The following VIM variants were observed in gnomAD, a reference collection of about 807,000 sequenced individuals.
VIM encodes the protein vimentin.
A neutral mutation model predicts 50.3 loss-of-function variants in VIM; 18 were observed. The ratio of observed to expected loss-of-function variants is 0.36; its 90% CI spans 0.25 to 0.53. The LOEUF (loss-of-function observed/expected upper bound fraction) is 0.53, where lower values mean the gene tolerates loss of function less well. Ranked by LOEUF, VIM falls within the 20% of genes least tolerant of loss-of-function variation. VIM has a pLI of 0.91. For synonymous variants in VIM, 245 were observed against 248.5 expected, an observed-to-expected ratio of 0.99 and a Z score of 0.13; for missense variants, 551 against 614.7, an observed-to-expected ratio of 0.90 and a Z score of 1.10.
intron 8 of VIM, 94 bp downstream of exon 8, chr10:17,235,983 A>G (rs907479953): frequency 3.7e-6 from 5 of 1,341,398 alleles, no homozygotes; most frequent in Non-Finnish European, 3.2e-6. Context: ...TATCTGAAAA[A>G]ATGCCATATA....
Position 17,235,306 on chromosome 10 carries a change from A to G in VIM, c.1146A>G (p.Glu382=), listed in dbSNP as rs1482400000. ...MKEEMARHLR[E]YQDLLNVKMA... is the part of the protein sequence containing the mutation. ...AGGAAATGGCTCGTCACCTTCGTGA[A>G]TACCAAGACCTGCTCAATGTTAAGA... is the stretch of plus-strand genomic sequence containing the variant. Residue 382 remains glutamate, a synonymous_variant, in exon 7 of 10, where the codon GAA becomes GAG. Transcript: ENST00000544301. 1 of 1,614,234 alleles carries G rather than the reference A, an allele frequency of 6.2e-7. No homozygotes were observed. The highest frequency in any genetic ancestry group is 8.5e-7 in the Non-Finnish European group (1 of 1,180,030).
At chr10:17,232,687 A>G (rs59600692) in intron 3 of VIM, among the ~76,000 whole-genome samples, 460 of 152,356 alleles carry the variant, frequency 3.0e-3, no homozygotes, top group African/African-American at 0.01. Flanking sequence ...GGGTTATTGA[A>G]TATAAATCTA....
chr10:17,234,495 C>T (rs1230321471), intron 5 of VIM, among the ~76,000 whole-genome samples, 198 bp from the exon 6 acceptor site: 1 of 152,188 alleles, frequency 6.6e-6, no homozygotes, highest in Non-Finnish European at 1.5e-5. Flanking sequence ...CCTTTGACCT[C>T]CACTGTGTTG....
intron 2 of VIM, 146 bp downstream of exon 2, chr10:17,230,131 T>C: frequency 9.3e-7 from 1 of 1,075,546 alleles, no homozygotes; most frequent in Non-Finnish European, 1.3e-6. Flanking sequence ...AGAGCGGGGC[T>C]GTGGCTGTGG....
At chr10:17,233,731 C>T (rs766865785) in intron 4 of VIM, 39 bp from the exon 5 acceptor site, 28 of 1,614,054 alleles carry the variant, frequency 1.7e-5, no homozygotes, top group African/African-American at 2.7e-5. Flanking sequence ...GCAGCCCCCA[C>T]GGTTGGCAGA....
rs1846769366 is a variant in VIM at position 17,230,520 on chromosome 10, G to A, written c.564-130G>A. On this transcript the variant is annotated intron_variant, in intron 2 of 9. Transcript: ENST00000544301. ...GCCGAGGGCAGCAGGTCTGAAAGCT[G>A]CAGGCGCTAGTTGCGCGGAGGTGGC... is the stretch of plus-strand genomic sequence containing the variant. 3.8e-6 allele frequency: 4 copies of A among 1,047,230 alleles called. No individual in the cohort carries two copies. In the Admixed American group the frequency reaches 5.1e-5, roughly 13 times the overall value. 64.9% of individuals were successfully genotyped at this position (1,047,230 alleles called of 1,614,324 possible).
chr10:17,229,534 T>C lies in VIM; in HGVS notation c.112T>C (p.Tyr38His). ...CTACGTGACTACGTCCACCCGCACCTACAGCCTGGGCAGCGCGCTGCGCCC... is the reference window on the plus strand; with the variant it reads ...CTACGTGACTACGTCCACCCGCACCCACAGCCTGGGCAGCGCGCTGCGCCC... ...RSYVTTSTRT[Y>H]SLGSALRPST... The change falls in exon 2 of 10, where the codon TAC becomes CAC. Residue 38 changes from tyrosine (Y) to histidine (H), a missense_variant. Tyr to His is a moderately conservative substitution (Grantham distance 83). Coordinates refer to ENST00000544301, the MANE Select transcript of VIM (RefSeq NM_003380.5). The C allele has an allele frequency of 6.2e-7, 1 of 1,608,344 alleles. No individual in the cohort carries two copies. Among genetic ancestry groups the C allele is most frequent in the East Asian group, 2.2e-5 (1 of 44,710 alleles).
In VIM at chr10:17,237,440, T is replaced by C. The variant is rs1021308922; in HGVS notation, c.*169T>C. 10 of 641,534 alleles carry C rather than the reference T, an allele frequency of 1.6e-5. No individual in the cohort carries two copies. Among genetic ancestry groups the C allele is most frequent in the Middle Eastern group, 4.2e-4 (1 of 2,364 alleles). The allele number at this position is 641,534 out of a possible 1,614,324, so 39.7% of individuals were successfully genotyped here. The stretch of plus-strand genomic sequence containing the variant: ...TAACAACCGACACTCCTACAAGATT[T>C]AGAAAAAAGTTTACAACATAATCTA... On this transcript the variant is annotated 3_prime_UTR_variant, in exon 10 of 10. Coordinates refer to ENST00000544301, the MANE Select transcript of VIM (RefSeq NM_003380.5).
chr10:17,233,485 A>T, intron 3 of VIM, 102 bp from the exon 4 acceptor site: 1 of 1,163,014 alleles, frequency 8.6e-7, no homozygotes, highest in Non-Finnish European at 1.3e-6. Flanking sequence ...GCTTTTCTAT[A>T]GTAAGGAGAC....
rs555098108 is a variant in VIM, at chr10:17,237,410, G to A, written c.*139G>A. ...AGATTTGGAATAGGAATAAGCTCTA[G>A]TTCTTAACAACCGACACTCCTACAA... On this transcript the variant is annotated 3_prime_UTR_variant, in exon 10 of 10. Coordinates refer to ENST00000544301, the MANE Select transcript of VIM (RefSeq NM_003380.5). The A allele has an allele frequency of 1.3e-6, 1 of 786,562 alleles. No individual in the cohort carries two copies. The highest frequency in any genetic ancestry group is 2.1e-6 in the Non-Finnish European group (1 of 482,922). 48.7% of individuals were successfully genotyped at this position (786,562 alleles called of 1,614,324 possible).
rs1846903506 is a variant in VIM at position 17,237,101 on chromosome 10, C to A, written c.1360-129C>A. On this transcript the variant is annotated intron_variant, in intron 9 of 9. Coordinates refer to ENST00000544301, the MANE Select transcript of VIM (RefSeq NM_003380.5). Reference sequence around the variant, plus strand: ...CTTCTAGTTTTCACTCATGCAGAAGCAACATAACCTTCTGATTTGCACAAT... The same window carrying A: ...CTTCTAGTTTTCACTCATGCAGAAGAAACATAACCTTCTGATTTGCACAAT... 3 of 856,964 alleles carry A rather than the reference C, an allele frequency of 3.5e-6. 1 individual carries two copies. The highest frequency in any genetic ancestry group is 5.6e-6 in the Non-Finnish European group (3 of 535,190). 53.1% of individuals were successfully genotyped at this position (856,964 alleles called of 1,614,324 possible).
intron 7 of VIM, 190 bp from the exon 8 acceptor site, chr10:17,235,656 G>A: frequency 1.4e-6 from 1 of 711,338 alleles, no homozygotes; most frequent in Non-Finnish European, 2.4e-6. Context: ...TGGAGAAAAT[G>A]CTTGTAGTAA....
rs1846848783 is a variant in VIM, at chr10:17,234,278, C to G, written c.882+347C>G. Reference sequence around the variant, plus strand: ...CACAGGCAAGCACCACCATGCCCGGCTAATTTTTGTATTTTTAGTAGAGAT... The same window carrying G: ...CACAGGCAAGCACCACCATGCCCGGGTAATTTTTGTATTTTTAGTAGAGAT... On this transcript the variant is annotated intron_variant, in intron 5 of 9. Coordinates refer to ENST00000544301, the MANE Select transcript of VIM (RefSeq NM_003380.5). Among the ~76,000 whole-genome samples the G allele has an allele frequency of 2.0e-5, 3 of 152,206 alleles. No individual in the cohort carries two copies. The South Asian group carries it at 6.2e-4, about 32-fold the overall frequency.
chr10:17,235,842 A>T lies in VIM; in HGVS notation c.1230-4A>T, dbSNP rs762336597. ...TTTTACTGTTTCTCTTCATCTGTTT[A>T]TAGGATTTCTCTGCCTCTTCCAAAC... On this transcript the variant is annotated splice_region_variant and splice_polypyrimidine_tract_variant and intron_variant, in intron 7 of 9. Coordinates refer to ENST00000544301, the MANE Select transcript of VIM (RefSeq NM_003380.5). 3 of 1,613,766 alleles carry T rather than the reference A, an allele frequency of 1.9e-6. No individual in the cohort carries two copies. The highest frequency in any genetic ancestry group is 1.3e-5 in the African/African-American group (1 of 75,058).
chr10:17,232,652 A>G (rs1846817367), intron 3 of VIM, among the ~76,000 whole-genome samples: 2 of 152,244 alleles, frequency 1.3e-5, no homozygotes, highest in Non-Finnish European at 2.9e-5. Context: ...CCTGAACTGA[A>G]TCTTTGGCAT....
rs770805768 is a variant in VIM at position 17,233,752 on chromosome 10, T to A, written c.721-18T>A. The A allele has an allele frequency of 1.9e-6, 3 of 1,614,218 alleles. No individual in the cohort carries two copies. Among genetic ancestry groups the A allele is most frequent in the Non-Finnish European group, 2.5e-6 (3 of 1,180,020 alleles). Reference sequence around the variant, plus strand: ...CCCACGGTTGGCAGAGCTGACCGTCTGTCTGTTCTTTTTGCAGGAAATCCA... The same window carrying A: ...CCCACGGTTGGCAGAGCTGACCGTCAGTCTGTTCTTTTTGCAGGAAATCCA... On this transcript the variant is annotated intron_variant, in intron 4 of 9. Coordinates refer to ENST00000544301, the MANE Select transcript of VIM (RefSeq NM_003380.5).
rs1191066136 is a variant in VIM at position 17,235,798 on chromosome 10, T to A, written c.1230-48T>A. 3.2e-6 allele frequency: 5 copies of A among 1,570,390 alleles called. No individual in the cohort carries two copies. In the South Asian group the frequency reaches 5.5e-5, roughly 17 times the overall value. On this transcript the variant is annotated intron_variant, in intron 7 of 9. Transcript: ENST00000544301. ...AGTGTGTTAATTTGTTCCCAGTGGT[T>A]GAAGTTATTTGCCAACAATTTTACT...
intron 5 of VIM, 26 bp downstream of exon 5, chr10:17,233,957 A>G: frequency 1.3e-6 from 2 of 1,597,510 alleles, no homozygotes; most frequent in Non-Finnish European, 1.7e-6. Context: ...GTGCGGCTTC[A>G]ACCAAAGAAA....
chr10:17,229,579 T>C lies in VIM; in HGVS notation c.157T>C (p.Tyr53His). Reference sequence around the variant, plus strand: ...GCGCCCCAGCACCAGCCGCAGCCTCTACGCCTCGTCCCCGGGCGGCGTGTA... The same window carrying C: ...GCGCCCCAGCACCAGCCGCAGCCTCCACGCCTCGTCCCCGGGCGGCGTGTA... ...ALRPSTSRSL[Y>H]ASSPGGVYAT... Residue 53 changes from tyrosine to histidine, a missense_variant, in exon 2 of 10, where the codon TAC (tyrosine) becomes CAC (histidine). Physicochemically the swap from Tyr to His is moderately conservative, Grantham distance 83. Around this residue, in one of 3 missense-constraint regions of VIM, gnomAD observed 134 missense variants for 126.4 expected, o/e 1.06. Transcript: ENST00000544301. 6.2e-7 allele frequency: 1 copy of C among 1,608,636 alleles called. No individual in the cohort carries two copies. Among genetic ancestry groups the C allele is most frequent in the Non-Finnish European group, 8.5e-7 (1 of 1,178,376 alleles).
Sources: allele counts gnomAD v4.1 joint callset (sites outside exome capture counted in the v4.1 genomes callset), GRCh38; gene constraint gnomAD v4.1.1; regional missense constraint gnomAD v4.1.1; transcripts MANE v1.5; gene names NCBI Gene and HGNC (gene_info 2026-07-23, HGNC 2026-07-21).